MAP3K1: variants seen among roughly 807,000 people sequenced by gnomAD.
MAP3K1 encodes mitogen-activated protein kinase kinase kinase 1.
A neutral mutation model predicts 144.2 loss-of-function variants in MAP3K1; 36 were observed. That is an observed-to-expected ratio of 0.25 (90% CI 0.19 to 0.33). MAP3K1 has a LOEUF of 0.33. MAP3K1 is among the 10% of genes least tolerant of loss of function. The pLI is 1.00. For missense variants in MAP3K1, 1,650 were observed against 1,881.9 expected, an observed-to-expected ratio of 0.88 and a Z score of 2.28; for synonymous variants, 718 against 688.7, an observed-to-expected ratio of 1.04 and a Z score of -0.67.
intron 1 of MAP3K1, among the ~76,000 whole-genome samples, chr5:56,827,971 G>A (rs185802772): frequency 1.3e-5 from 2 of 152,088 alleles, no homozygotes; most frequent in African/African-American, 4.8e-5. Flanking sequence ...AAATGGGGTC[G>A]TTGGTGGTAT....
intron 1 of MAP3K1, chr5:56,851,950 CAT>C (rs1323502773): frequency 2.6e-5 from 4 of 152,116 alleles, no homozygotes; most frequent in African/African-American, 4.8e-5. Context: ...GATACTTAAA[CAT>C]ATACTTAATT....
intron 1 of MAP3K1, chr5:56,820,893 A>G: frequency 8.2e-6 from 5 of 608,258 alleles, no homozygotes; most frequent in Non-Finnish European, 8.2e-6. Flanking sequence ...AGGGGATACA[A>G]CATATTAGTT....
At chr5:56,879,983 C>T (rs887910628) in intron 11 of MAP3K1, among the ~76,000 whole-genome samples, 1 of 152,152 alleles carries the variant, frequency 6.6e-6, no homozygotes, top group Non-Finnish European at 1.5e-5. Flanking sequence ...CTACCTTTAA[C>T]GAATTTCTCA....
intron 2 of MAP3K1, among the ~76,000 whole-genome samples, chr5:56,857,961 C>T (rs1258426876): frequency 1.3e-5 from 2 of 152,178 alleles, no homozygotes; most frequent in East Asian, 3.8e-4. Flanking sequence ...GAGTCCTTGT[C>T]TTTACAGCTA....
chr5:56,884,343 C>T (rs75399059), intron 15 of MAP3K1, among the ~76,000 whole-genome samples: 3,318 of 152,142 alleles, frequency 0.022, 48 homozygotes, highest in Non-Finnish European at 0.032. Context: ...CATACTTAAT[C>T]AGGATAGGAA....
intron 1 of MAP3K1, among the ~76,000 whole-genome samples, chr5:56,834,879 G>T (rs1393498603): frequency 6.6e-6 from 1 of 151,952 alleles, no homozygotes; most frequent in Non-Finnish European, 1.5e-5. Flanking sequence ...AGAATAACTT[G>T]TATAAAATAA....
rs551431351 is a variant in MAP3K1 at position 56,820,862 on chromosome 5, A to G, written c.482+4807A>G. On this transcript the variant is annotated intron_variant, in intron 1 of 19. Coordinates refer to ENST00000399503, the MANE Select transcript of MAP3K1 (RefSeq NM_005921.2). ...GTTTCACAATACCGTGTTAAGTGCT[A>G]TAAGAGAGATGGGGATACAGAGGGG... is the stretch of plus-strand genomic sequence containing the variant. The G allele has an allele frequency of 2.2e-5, 19 of 871,526 alleles. No individual in the cohort carries two copies. In the East Asian group the frequency reaches 1.3e-3, roughly 61 times the overall value. The allele number at this position is 871,526 out of a possible 1,614,324, so 54.0% of individuals were successfully genotyped here. A position where few individuals can be genotyped will look rare whatever the true frequency, so the allele number is the denominator to read the frequency against.
chr5:56,827,693 G>A (rs564239940), intron 1 of MAP3K1, among the ~76,000 whole-genome samples: 5 of 152,124 alleles, frequency 3.3e-5, no homozygotes, highest in African/African-American at 7.2e-5. Flanking sequence ...GTGAAACCCC[G>A]TCTCTACTAA....
At chr5:56,880,521 G>A (rs1162303510) in intron 11 of MAP3K1, among the ~76,000 whole-genome samples, 190 bp from the exon 12 acceptor site, 3 of 152,054 alleles carry the variant, frequency 2.0e-5, no homozygotes, top group South Asian at 4.2e-4. Flanking sequence ...TTAAATTTAC[G>A]AAATTAGACC....
intron 11 of MAP3K1, among the ~76,000 whole-genome samples, chr5:56,880,286 A>G (rs1299029424): frequency 4.6e-5 from 7 of 152,314 alleles, no homozygotes; most frequent in African/African-American, 1.7e-4. Flanking sequence ...GAGAGATTTT[A>G]TAATATTCAG....
Position 56,815,940 on chromosome 5 carries a change from C to A in MAP3K1, c.367C>A (p.His123Asn). 7.9e-7 allele frequency: 1 copy of A among 1,259,518 alleles called. No individual in the cohort carries two copies. Among genetic ancestry groups the A allele is most frequent in the South Asian group, 2.9e-5 (1 of 34,986 alleles). The allele number at this position is 1,259,518 out of a possible 1,614,324, so 78.0% of individuals were successfully genotyped here. The change falls in exon 1 of 20, where the codon CAC (histidine) becomes AAC (asparagine). Residue 123 changes from histidine to asparagine, a missense_variant. Physicochemically the swap from His to Asn is moderately conservative, Grantham distance 68. Around this residue, in one of 6 missense-constraint regions of MAP3K1, gnomAD observed 360 missense variants for 274.7 expected, o/e 1.31. Coordinates refer to ENST00000399503, the MANE Select transcript of MAP3K1 (RefSeq NM_005921.2). ...CGGAGCCGCGAGCCGCGGCGGCGCC[C>A]ACCTTACCGAGTCGGTGGCGGCGCC... ...PHGAASRGGA[H>N]LTESVAAPDS...
intron 2 of MAP3K1, among the ~76,000 whole-genome samples, chr5:56,859,432 CAAAT>C (rs1301024454): frequency 1.3e-5 from 2 of 151,974 alleles, no homozygotes; most frequent in African/African-American, 2.4e-5. Context: ...TATATAATAA[CAAAT>C]AATACCATTT....
At chr5:56,886,150 TC>T in intron 17 of MAP3K1, 87 bp downstream of exon 17, 1 of 1,082,904 alleles carries the variant, frequency 9.2e-7, no homozygotes, top group South Asian at 1.3e-5. Flanking sequence ...ACACCTGTAA[TC>T]CCAGTACTTT....
intron 1 of MAP3K1, among the ~76,000 whole-genome samples, chr5:56,854,019 A>G (rs1027135331): frequency 8.5e-5 from 13 of 152,246 alleles, no homozygotes; most frequent in Admixed American, 8.5e-4. Flanking sequence ...AGCAGGTTTA[A>G]GAGCAGCTTG....
At chr5:56,840,142 T>C (rs1746768877) in intron 1 of MAP3K1, among the ~76,000 whole-genome samples, 2 of 152,166 alleles carry the variant, frequency 1.3e-5, no homozygotes. Flanking sequence ...GCGTTTTGTT[T>C]GTTTGTTTGT....
intron 14 of MAP3K1, 118 bp from the exon 15 acceptor site, chr5:56,883,409 A>T: frequency 1.1e-6 from 1 of 895,808 alleles, no homozygotes; most frequent in Non-Finnish European, 1.8e-6. Flanking sequence ...TTCCATTCAG[A>T]GGTCACATTT....
chr5:56,854,002 A>G (rs1440507089), intron 1 of MAP3K1, among the ~76,000 whole-genome samples: 1 of 152,184 alleles, frequency 6.6e-6, no homozygotes, highest in East Asian at 1.9e-4. Context: ...GCCTGTTGCT[A>G]GTTCAGAGCA....
chr5:56,845,980 T>TTAGAAG (rs1746982616), intron 1 of MAP3K1, among the ~76,000 whole-genome samples: 1 of 152,224 alleles, frequency 6.6e-6, no homozygotes, highest in Non-Finnish European at 1.5e-5. Context: ...GTCCTAGTAT[T>TTAGAAG]TAGAAGTACT....
At chr5:56,883,136 A>T (rs1391835833) in intron 14 of MAP3K1, among the ~76,000 whole-genome samples, 3 of 152,218 alleles carry the variant, frequency 2.0e-5, no homozygotes, top group Admixed American at 1.3e-4. Flanking sequence ...GGCTACAGTG[A>T]GCTGTGATTA....
Sources: allele counts gnomAD v4.1 joint callset (sites outside exome capture counted in the v4.1 genomes callset), GRCh38; gene constraint gnomAD v4.1.1; regional missense constraint gnomAD v4.1.1; transcripts MANE v1.5; gene names NCBI Gene and HGNC (gene_info 2026-07-23, HGNC 2026-07-21).